L3MBTL4: variants seen among roughly 807,000 people sequenced by gnomAD.
The protein encoded by L3MBTL4 is lethal(3)malignant brain tumor-like protein 4.
A neutral mutation model predicts 84.5 loss-of-function variants in L3MBTL4; 70 were observed. The observed-to-expected ratio is 0.83, with a 90% CI of 0.68 to 1.01. L3MBTL4 has a LOEUF of 1.01. Ranked by LOEUF, L3MBTL4 falls within the 50% of genes least tolerant of loss-of-function variation. The probability of loss-of-function intolerance (pLI) is 0.00; values close to 1 mark genes in which losing one functional copy is unlikely to be tolerated. For missense variants in L3MBTL4, 715 were observed against 754.8 expected (o/e 0.95, Z 0.62); for synonymous variants, 274 against 259.8 (o/e 1.05, Z -0.52).
intron 6 of L3MBTL4, among the ~76,000 whole-genome samples, chr18:6,243,729 A>G (rs1423501595): frequency 6.6e-6 from 1 of 152,208 alleles, no homozygotes; most frequent in Non-Finnish European, 1.5e-5. Context: ...TATTAATTCA[A>G]TACCTGTCAA....
At chr18:6,256,794 T>G (rs2048161625) in intron 5 of L3MBTL4, 1 of 152,240 alleles carries the variant, frequency 6.6e-6, no homozygotes. Flanking sequence ...CACTCTTAAG[T>G]GCAGATCGGG....
intron 16 of L3MBTL4, among the ~76,000 whole-genome samples, chr18:6,003,867 A>T (rs1375300972): frequency 6.6e-6 from 1 of 152,154 alleles, no homozygotes; most frequent in Non-Finnish European, 1.5e-5. Flanking sequence ...TATGTGATGA[A>T]GCATAAACAA....
chr18:6,224,693 G>A (rs1487206342), intron 10 of L3MBTL4, among the ~76,000 whole-genome samples: 1 of 152,114 alleles, frequency 6.6e-6, no homozygotes, highest in Non-Finnish European at 1.5e-5. Context: ...AACCTTGCCT[G>A]TGGAAACTGA....
chr18:6,060,374 G>A (rs554862190), intron 16 of L3MBTL4, among the ~76,000 whole-genome samples: 8 of 150,658 alleles, frequency 5.3e-5, no homozygotes, highest in Admixed American at 1.3e-4. Flanking sequence ...ATGAAGATAC[G>A]AAGTACTCGC....
chr18:5,958,004 G>A (rs1186758240), intron 18 of L3MBTL4, among the ~76,000 whole-genome samples: 1 of 147,212 alleles, frequency 6.8e-6, no homozygotes, highest in Admixed American at 6.9e-5. Context: ...GAAGGAAGGA[G>A]AAGGAGGAGG....
At position 6,414,863 on chromosome 18, in the gene L3MBTL4, C is replaced by A. The variant is rs1191503071; in HGVS notation, c.-153G>T. The A allele has an allele frequency of 6.7e-6, 1 of 150,086 alleles. No individual in the cohort carries two copies. Among genetic ancestry groups the A allele is most frequent in the Non-Finnish European group, 1.5e-5 (1 of 67,366 alleles). 9.3% of individuals were successfully genotyped at this position (150,086 alleles called of 1,614,324 possible). A position where few individuals can be genotyped will look rare whatever the true frequency, so the allele number is the denominator to read the frequency against. On this transcript the variant is annotated 5_prime_UTR_variant, in exon 1 of 19. Transcript: ENST00000317931. This position sits in a 1 kb window ranked among gnomAD's most constrained non-coding sequence, Gnocchi z 5.4. Reference sequence around the variant, plus strand: ...GCTACAGGCGGGGGGCGAGTCGGAGCGCGAGGTTCCGCCAGCCCAGGCTGC... The same window carrying A: ...GCTACAGGCGGGGGGCGAGTCGGAGAGCGAGGTTCCGCCAGCCCAGGCTGC...
chr18:6,106,403 G>A (rs563504299), intron 14 of L3MBTL4, among the ~76,000 whole-genome samples: 1 of 152,298 alleles, frequency 6.6e-6, no homozygotes, highest in Non-Finnish European at 1.5e-5. Flanking sequence ...AATACTTTGA[G>A]GGAATTTGAG....
intron 14 of L3MBTL4, among the ~76,000 whole-genome samples, chr18:6,117,294 G>A (rs1392498524): frequency 6.6e-6 from 1 of 152,244 alleles, no homozygotes; most frequent in African/African-American, 2.4e-5. Context: ...AGGGAGTCAT[G>A]ATTGGGTGGC....
At chr18:6,359,146 A>G (rs2143959843) in intron 1 of L3MBTL4, among the ~76,000 whole-genome samples, 1 of 152,374 alleles carries the variant, frequency 6.6e-6, no homozygotes, top group East Asian at 1.9e-4. Context: ...TTCTCAGGCC[A>G]ACATTTAATA....
chr18:6,134,804 C>T (rs1165519642), intron 14 of L3MBTL4, among the ~76,000 whole-genome samples: 1 of 152,172 alleles, frequency 6.6e-6, no homozygotes, highest in Non-Finnish European at 1.5e-5. Flanking sequence ...TGCAGCCTTT[C>T]CAGGTGCATG....
At chr18:5,957,196 A>G (rs1410342736) in intron 18 of L3MBTL4, among the ~76,000 whole-genome samples, 1 of 152,226 alleles carries the variant, frequency 6.6e-6, no homozygotes, top group Non-Finnish European at 1.5e-5. Context: ...TTAAACTTTA[A>G]AAATACATTT....
chr18:6,172,055 C>T, intron 12 of L3MBTL4, 113 bp from the exon 13 acceptor site: 1 of 546,376 alleles, frequency 1.8e-6, no homozygotes, highest in South Asian at 2.5e-5. Flanking sequence ...TTATTGATCA[C>T]ACCTTGCAGT....
At chr18:6,404,503 G>A (rs898164783) in intron 1 of L3MBTL4, among the ~76,000 whole-genome samples, 11 of 152,118 alleles carry the variant, frequency 7.2e-5, no homozygotes, top group African/African-American at 2.2e-4. Context: ...TTTTTAGTCC[G>A]AGAAGCTCTT....
intron 16 of L3MBTL4, among the ~76,000 whole-genome samples, chr18:6,046,177 T>C (rs1418758357): frequency 6.6e-6 from 1 of 152,052 alleles, no homozygotes; most frequent in Non-Finnish European, 1.5e-5. Flanking sequence ...TACATAATGA[T>C]AAAGAGTTCA....
rs533720050 is a variant in L3MBTL4 at position 5,967,416 on chromosome 18, C to T, written c.1614+1977G>A. Among the ~76,000 whole-genome samples, 7 of 152,378 alleles carry T rather than the reference C, an allele frequency of 4.6e-5. 1 individual carries two copies. Among genetic ancestry groups the T allele is most frequent in the Middle Eastern group, 3.4e-3 (1 of 294 alleles). ...TAATGCCTGCACAGGGCGTGGTGCA[C>T]GTCTGCCATCACTAAGTCTGTGAAA... On this transcript the variant is annotated intron_variant, in intron 17 of 18. Coordinates refer to ENST00000317931, the MANE Select transcript of L3MBTL4 (RefSeq NM_001330559.2).
intron 16 of L3MBTL4, among the ~76,000 whole-genome samples, chr18:6,056,528 A>G (rs762112960): frequency 3.0e-4 from 46 of 152,112 alleles, no homozygotes; most frequent in African/African-American, 8.0e-4. Flanking sequence ...AGTGTGCCTT[A>G]TTTTTAATGC....
At chr18:6,040,394 A>G (rs2056347644) in intron 16 of L3MBTL4, among the ~76,000 whole-genome samples, 1 of 152,194 alleles carries the variant, frequency 6.6e-6, no homozygotes, top group Non-Finnish European at 1.5e-5. Context: ...GCTGCTATAT[A>G]TCCTGTTCCA....
intron 13 of L3MBTL4, 148 bp from the exon 14 acceptor site, chr18:6,138,444 T>G (rs1451941632): frequency 7.1e-6 from 4 of 560,640 alleles, no homozygotes; most frequent in African/African-American, 1.9e-5. Flanking sequence ...CGATGTATTA[T>G]TAATATTAAA....
chr18:6,070,037 G>C (rs957601186), intron 16 of L3MBTL4, among the ~76,000 whole-genome samples: 1 of 151,942 alleles, frequency 6.6e-6, no homozygotes, highest in East Asian at 1.9e-4. Flanking sequence ...AAAAACGGAG[G>C]GGAAATAATG....
Sources: gnomAD v4.1 joint callset for allele counts (sites outside exome capture counted in the v4.1 genomes callset) on GRCh38, gnomAD v4.1.1 for gene constraint, Gnocchi (gnomAD v3.1) non-coding constraint, MANE v1.5 for transcripts, NCBI Gene and HGNC (gene_info 2026-07-23, HGNC 2026-07-21) for gene names.